GNL2: variants seen among roughly 807,000 people sequenced by gnomAD.
GNL2 encodes the protein nucleolar GTP-binding protein 2.
Under a neutral mutation model 92.3 loss-of-function variants are expected in GNL2, and 51 were observed. The observed-to-expected ratio is 0.55, with a 90% CI of 0.44 to 0.70. The LOEUF (loss-of-function observed/expected upper bound fraction) is 0.70. Among genes scored for constraint, GNL2 ranks in the 30% least tolerant of loss-of-function variants. The probability of loss-of-function intolerance (pLI) is 0.00; values close to 1 mark genes in which losing one functional copy is unlikely to be tolerated. For missense variants in GNL2, 844 were observed against 895.6 expected, an observed-to-expected ratio of 0.94 and a Z score of 0.74; for synonymous variants, 283 against 300.6, an observed-to-expected ratio of 0.94 and a Z score of 0.61.
chr1:37,574,851 T>C, intron 10 of GNL2, 28 bp from the exon 11 acceptor site: 1 of 1,563,650 alleles, frequency 6.4e-7, no homozygotes, highest in Non-Finnish European at 8.8e-7. Flanking sequence ...ATCTCTCACT[T>C]ACAAACTTTG....
At chr1:37,590,222 T>C (rs1643879909) in intron 4 of GNL2, among the ~76,000 whole-genome samples, 1 of 152,200 alleles carries the variant, frequency 6.6e-6, no homozygotes, top group African/African-American at 2.4e-5. Flanking sequence ...TTCTCCTGCC[T>C]CAGCCTCTCC....
intron 12 of GNL2, among the ~76,000 whole-genome samples, chr1:37,573,764 C>CAT (rs1162750987): frequency 1.3e-5 from 2 of 152,232 alleles, no homozygotes; most frequent in Non-Finnish European, 2.9e-5. Context: ...GGTCTTCTCT[C>CAT]ATATGTCTAC....
At chr1:37,571,020 C>T (rs1241738104) in intron 12 of GNL2, 1 of 152,122 alleles carries the variant, frequency 6.6e-6, no homozygotes, top group East Asian at 1.9e-4. Context: ...CTATAAAATT[C>T]AGGAAACCAC....
At chr1:37,595,353 A>G (rs769311498) in intron 1 of GNL2, among the ~76,000 whole-genome samples, 1 of 152,218 alleles carries the variant, frequency 6.6e-6, no homozygotes, top group Non-Finnish European at 1.5e-5. Context: ...CAAAACTATA[A>G]GCCCTTTCTC....
intron 8 of GNL2, among the ~76,000 whole-genome samples, chr1:37,576,828 A>C (rs377363175): frequency 6.6e-6 from 1 of 152,150 alleles, no homozygotes; most frequent in East Asian, 1.9e-4. Flanking sequence ...GAAATAAAAG[A>C]AGGCTCGGCA....
Position 37,575,980 on chromosome 1 carries a change from G to A in GNL2, c.1039-281C>T, listed in dbSNP as rs920608342. On this transcript the variant is annotated intron_variant, in intron 9 of 15. Coordinates refer to ENST00000373062, the MANE Select transcript of GNL2 (RefSeq NM_013285.3). This position sits in a 1 kb window ranked among gnomAD's most constrained non-coding sequence, Gnocchi z 4.1. ...ATTATACCCGGTGAACCTTTCCTGA[G>A]TTTTAGAAGTACTCTTGAGAGCTTA... Among the ~76,000 whole-genome samples, 2 of 152,118 alleles carry A rather than the reference G, an allele frequency of 1.3e-5. No homozygotes were observed. Among genetic ancestry groups the A allele is most frequent in the African/African-American group, 4.8e-5 (2 of 41,402 alleles).
At position 37,570,781 on chromosome 1, in the gene GNL2, T is replaced by A. The variant is rs1157148290; in HGVS notation, c.1417-1479A>T. 4 of 152,060 alleles carry A rather than the reference T, an allele frequency of 2.6e-5. No individual in the cohort carries two copies. The East Asian group carries it at 7.7e-4, about 29-fold the overall frequency. The allele number at this position is 152,060 out of a possible 1,614,324, so 9.4% of individuals were successfully genotyped here. A position where few individuals can be genotyped will look rare whatever the true frequency, so the allele number is the denominator to read the frequency against. ...GGCATCCTGAAGCAAGAGTATAAGG[T>A]AAGGAGGGGGAATTCTGTGATTGAA... is the stretch of plus-strand genomic sequence containing the variant. On this transcript the variant is annotated intron_variant, in intron 12 of 15. Transcript: ENST00000373062.
intron 12 of GNL2, 39 bp downstream of exon 12, chr1:37,574,304 G>T (rs1197334044): frequency 1.6e-6 from 2 of 1,288,908 alleles, no homozygotes; most frequent in African/African-American, 2.9e-5. Context: ...TCTAGGTCAG[G>T]ACCCATGCTC....
At chr1:37,580,882 C>T (rs1643756182) in intron 8 of GNL2, among the ~76,000 whole-genome samples, 1 of 152,222 alleles carries the variant, frequency 6.6e-6, no homozygotes, top group Non-Finnish European at 1.5e-5. Context: ...TAATATTTTA[C>T]AGTCATGACA....
At chr1:37,569,642 A>T (rs1429939768) in intron 12 of GNL2, 2 of 227,694 alleles carry the variant, frequency 8.8e-6, no homozygotes, top group East Asian at 2.1e-4. Flanking sequence ...AAATCAGCAC[A>T]CACAACTACA....
chr1:37,573,327 C>T (rs1305946852), intron 12 of GNL2, among the ~76,000 whole-genome samples: 1 of 152,238 alleles, frequency 6.6e-6, no homozygotes, highest in Non-Finnish European at 1.5e-5. Context: ...CCCAACGACA[C>T]TAGCAAGCAT....
At position 37,568,940 on chromosome 1, in the gene GNL2, G is replaced by A; in HGVS notation, c.1779C>T (p.Thr593=). The stretch of plus-strand genomic sequence containing the variant: ...CATCCAGTGCTTTAATAACGGCTTT[G>A]GTGTCGTTTCCCACATTTTCCTCCT... The part of the protein sequence containing the change: ...EPEEENVGND[T]KAVIKALDEK... The change falls in exon 13 of 16, where the codon ACC becomes ACT. Residue 593 remains threonine (T), a synonymous_variant. Coordinates refer to ENST00000373062, the MANE Select transcript of GNL2 (RefSeq NM_013285.3). 1 of 1,614,048 alleles carries A rather than the reference G, an allele frequency of 6.2e-7. No homozygotes were observed. The highest frequency in any genetic ancestry group is 8.5e-7 in the Non-Finnish European group (1 of 1,179,936).
chr1:37,578,470 G>A (rs1387449860), intron 8 of GNL2, among the ~76,000 whole-genome samples: 2 of 150,106 alleles, frequency 1.3e-5, no homozygotes, highest in Non-Finnish European at 3.0e-5. Flanking sequence ...TTAAATTAGA[G>A]TCCCTATTTA....
Position 37,574,653 on chromosome 1 carries a change from A to T in GNL2, c.1302+12T>A. 1 of 1,612,502 alleles carries T rather than the reference A, an allele frequency of 6.2e-7. No individual in the cohort carries two copies. The highest frequency in any genetic ancestry group is 8.5e-7 in the Non-Finnish European group (1 of 1,178,930). On this transcript the variant is annotated intron_variant, in intron 11 of 15. Coordinates refer to ENST00000373062, the MANE Select transcript of GNL2 (RefSeq NM_013285.3). ...CAAGTATCAGTCTAAATTCTCACAAACGCCGGGTCACCTTTAGTAACTTCC... is the reference window on the plus strand; with the variant it reads ...CAAGTATCAGTCTAAATTCTCACAATCGCCGGGTCACCTTTAGTAACTTCC...
rs766671777 is a variant in GNL2, at chr1:37,569,186, T to C, written c.1533A>G (p.Glu511=). Residue 511 remains glutamate (E), a synonymous_variant, in exon 13 of 16, where the codon GAA becomes GAG. Transcript: ENST00000373062. ...TGTTAGCATCACAGTGACTGTTCTCTTCTGTTTCTTCCTTAATGATGGATT... is the reference window on the plus strand; with the variant it reads ...TGTTAGCATCACAGTGACTGTTCTCCTCTGTTTCTTCCTTAATGATGGATT... ...GSESIIKEET[E]ENSHCDANTE... 1.8e-5 allele frequency: 29 copies of C among 1,614,118 alleles called. No homozygotes were observed. In the East Asian group the frequency reaches 5.8e-4, roughly 32 times the overall value.
chr1:37,573,680 T>C (rs1246568148), intron 12 of GNL2, among the ~76,000 whole-genome samples: 1 of 152,242 alleles, frequency 6.6e-6, no homozygotes, highest in Non-Finnish European at 1.5e-5. Flanking sequence ...TAAGAAAAGA[T>C]ACAGGTACCA....
intron 7 of GNL2, 58 bp downstream of exon 7, chr1:37,582,720 C>T: frequency 7.2e-7 from 1 of 1,382,812 alleles, no homozygotes; most frequent in Non-Finnish European, 1.0e-6. Context: ...AAAAGCCCTA[C>T]AACTGACTTA....
intron 13 of GNL2, 43 bp downstream of exon 13, chr1:37,568,808 A>G: frequency 6.8e-7 from 1 of 1,479,194 alleles, no homozygotes; most frequent in Non-Finnish European, 9.3e-7. Context: ...ATTTTTGGGA[A>G]AGGAATGAAA....
intron 8 of GNL2, among the ~76,000 whole-genome samples, chr1:37,581,809 C>T (rs1034410443): frequency 1.3e-5 from 2 of 152,138 alleles, no homozygotes; most frequent in South Asian, 2.1e-4. Flanking sequence ...GGACTACAGG[C>T]GTGTGCCACC....
Sources: allele counts gnomAD v4.1 joint callset (sites outside exome capture counted in the v4.1 genomes callset), GRCh38; gene constraint gnomAD v4.1.1; non-coding constraint Gnocchi (gnomAD v3.1); transcripts MANE v1.5; gene names NCBI Gene and HGNC (gene_info 2026-07-23, HGNC 2026-07-21).